Variants in PPFIA2 observed in about 807,000 individuals in gnomAD.
PPFIA2 encodes liprin-alpha-2.
A neutral mutation model predicts 175.5 loss-of-function variants in PPFIA2; 46 were observed. That is an observed-to-expected ratio of 0.26 (90% CI 0.21 to 0.34). The LOEUF is 0.34. PPFIA2 is among the 10% of genes least tolerant of loss of function. PPFIA2 has a pLI of 1.00. For missense variants in PPFIA2, 1,179 were observed against 1,506.1 expected (o/e 0.78, Z 3.60); for synonymous variants, 568 against 511.4 (o/e 1.11, Z -1.49).
intron 4 of PPFIA2, among the ~76,000 whole-genome samples, chr12:81,647,490 G>A (rs1026527709): frequency 2.0e-5 from 3 of 151,896 alleles, no homozygotes; most frequent in African/African-American, 4.8e-5. Flanking sequence ...GGCTGGGTGC[G>A]GTGGCTCACG....
At chr12:81,569,996 C>T (rs1329357706) in intron 4 of PPFIA2, among the ~76,000 whole-genome samples, 3 of 152,050 alleles carry the variant, frequency 2.0e-5, no homozygotes, top group African/African-American at 7.2e-5. Context: ...GCTCTTTCTC[C>T]CTGTTTCCAA....
Position 81,382,934 on chromosome 12 carries a change from T to C in PPFIA2, c.984+1089A>G, listed in dbSNP as rs188131885. 5.3e-4 allele frequency among the ~76,000 whole-genome samples: 81 copies of C among 151,908 alleles called. 1 individual carries two copies. Among genetic ancestry groups the C allele is most frequent in the African/African-American group, 1.9e-3 (80 of 41,434 alleles). ...ACACTCCAAGGTCGGGGAGGAGAAATAGAAGCAGTAAAGGAGCCTTCGAAG... is the reference window on the plus strand; with the variant it reads ...ACACTCCAAGGTCGGGGAGGAGAAACAGAAGCAGTAAAGGAGCCTTCGAAG... On this transcript the variant is annotated intron_variant, in intron 9 of 32. Transcript: ENST00000549396.
intron 4 of PPFIA2, among the ~76,000 whole-genome samples, chr12:81,462,157 T>C (rs2054642550): frequency 6.6e-6 from 1 of 150,786 alleles, no homozygotes; most frequent in Non-Finnish European, 1.5e-5. Flanking sequence ...ATAACAGATA[T>C]AATATTCTTT....
intron 4 of PPFIA2, among the ~76,000 whole-genome samples, chr12:81,657,821 T>G (rs1053784926): frequency 1.3e-5 from 2 of 152,118 alleles, no homozygotes; most frequent in African/African-American, 4.8e-5. Flanking sequence ...ATTAGTTATT[T>G]AAGACCTGGT....
chr12:81,298,958 G>T (rs971009745), intron 23 of PPFIA2, among the ~76,000 whole-genome samples: 2 of 152,126 alleles, frequency 1.3e-5, no homozygotes, highest in African/African-American at 2.4e-5. Flanking sequence ...TATGGAGAGG[G>T]TCTTCTCTGT....
intron 4 of PPFIA2, among the ~76,000 whole-genome samples, chr12:81,478,771 G>T (rs757636980): frequency 2.0e-5 from 3 of 152,132 alleles, no homozygotes; most frequent in Non-Finnish European, 2.9e-5. Flanking sequence ...ATTGCACTGT[G>T]GTCTGAGAGA....
At chr12:81,431,090 A>G (rs960662565) in intron 7 of PPFIA2, 1 of 152,218 alleles carries the variant, frequency 6.6e-6, no homozygotes, top group Admixed American at 6.5e-5. Context: ...TCAGCCTGCA[A>G]CTACACTTGC....
At chr12:81,262,836 A>C (rs1334183508) in intron 31 of PPFIA2, among the ~76,000 whole-genome samples, 1 of 152,218 alleles carries the variant, frequency 6.6e-6, no homozygotes, top group Non-Finnish European at 1.5e-5. Context: ...AACTCGCAGT[A>C]TTTAAACATG....
intron 4 of PPFIA2, among the ~76,000 whole-genome samples, chr12:81,565,021 C>T (rs534373273): frequency 2.6e-5 from 4 of 152,234 alleles, no homozygotes; most frequent in South Asian, 2.1e-4. Flanking sequence ...CCCTGCAACT[C>T]GGAATGGGGA....
chr12:81,365,980 CCCTCCCTTCCTTCCTTCCTT>C (rs1421779761), intron 14 of PPFIA2, among the ~76,000 whole-genome samples: 3 of 52,804 alleles, frequency 5.7e-5, no homozygotes, highest in African/African-American at 3.2e-4. Context: ...CTCCCTCCCT[CCCTCCCTTCCTTCCTTCCTT>C]CCTTCCTTCC....
Position 81,262,011 on chromosome 12 carries a change from T to C in PPFIA2, c.3745A>G (p.Asn1249Asp), listed in dbSNP as rs1244324431. The change falls in exon 32 of 33, where the codon AAC becomes GAC. Residue 1249 changes from asparagine (N) to aspartate (D), a missense_variant. By Grantham distance (23) the Asn-to-Asp change is conservative. This residue lies in a region of PPFIA2 where 245 missense variants were observed against 375.1 expected (regional missense o/e 0.65). Transcript: ENST00000549396. The stretch of plus-strand genomic sequence containing the variant: ...CATGAGTATGTGCGAACAGTGGAGT[T>C]GTCTAACCTCTGCAGTCTTGATGAA... ...VASSRLQRLD[N>D]STVRTYSC is the part of the protein sequence containing the mutation. 1 of 1,606,214 alleles carries C rather than the reference T, an allele frequency of 6.2e-7. No homozygotes were observed. The highest frequency in any genetic ancestry group is 8.5e-7 in the Non-Finnish European group (1 of 1,176,196).
chr12:81,400,921 C>T (rs1294305107), intron 8 of PPFIA2, among the ~76,000 whole-genome samples: 3 of 152,164 alleles, frequency 2.0e-5, no homozygotes, highest in Non-Finnish European at 4.4e-5. Context: ...ACTAGTGTCT[C>T]AGTCACTAAT....
chr12:81,652,290 C>T (rs575264668), intron 4 of PPFIA2, among the ~76,000 whole-genome samples: 1 of 149,972 alleles, frequency 6.7e-6, no homozygotes, highest in South Asian at 2.2e-4. Context: ...GTTTTCGGCT[C>T]ATGAAGCTAT....
intron 3 of PPFIA2, among the ~76,000 whole-genome samples, chr12:81,733,752 T>G (rs1487819356): frequency 1.3e-5 from 2 of 151,794 alleles, no homozygotes; most frequent in Non-Finnish European, 2.9e-5. Flanking sequence ...CATTGTCATA[T>G]TTCTATCACA....
intron 3 of PPFIA2, among the ~76,000 whole-genome samples, chr12:81,690,621 T>C (rs1325404285): frequency 6.6e-6 from 1 of 152,094 alleles, no homozygotes; most frequent in Non-Finnish European, 1.5e-5. Flanking sequence ...ACGTGGCCCA[T>C]GGGTAAACTA....
At chr12:81,701,859 T>C (rs1023773032) in intron 3 of PPFIA2, among the ~76,000 whole-genome samples, 1 of 143,576 alleles carries the variant, frequency 7.0e-6, no homozygotes, top group Admixed American at 7.0e-5. Flanking sequence ...CGAACTGAAC[T>C]CTTTGTCTCA....
rs375509220 is a variant in PPFIA2 at position 81,264,092 on chromosome 12, CAG to C, written c.3556-704_3556-703del. Among the ~76,000 whole-genome samples the C allele has an allele frequency of 5.5e-4, 84 of 152,196 alleles. No homozygotes were observed. In the East Asian group the frequency reaches 0.015, roughly 26 times the overall value. ...ATGTGTATTTTAATATACACAGAGG[CAG>C]AGAGTCACATCCCATTTAATTGGCC... On this transcript the variant is annotated intron_variant, in intron 30 of 32. Coordinates refer to ENST00000549396, the MANE Select transcript of PPFIA2 (RefSeq NM_003625.5).
chr12:81,672,112 T>C (rs1272533086), intron 4 of PPFIA2, among the ~76,000 whole-genome samples: 1 of 151,862 alleles, frequency 6.6e-6, no homozygotes, highest in Non-Finnish European at 1.5e-5. Flanking sequence ...CACTCAAATA[T>C]ATATTGAATT....
intron 9 of PPFIA2, among the ~76,000 whole-genome samples, chr12:81,380,880 C>T (rs559175773): frequency 6.6e-6 from 1 of 151,766 alleles, no homozygotes; most frequent in East Asian, 1.9e-4. Context: ...TGTGACTCGT[C>T]CTTAAAAAAT....
Sources: gnomAD v4.1 joint callset for allele counts (sites outside exome capture counted in the v4.1 genomes callset) on GRCh38, gnomAD v4.1.1 for gene constraint, gnomAD v4.1.1 regional missense constraint, MANE v1.5 for transcripts, NCBI Gene and HGNC (gene_info 2026-07-23, HGNC 2026-07-21) for gene names.